Variants in ZNF658 observed in about 807,000 individuals in gnomAD.
ZNF658 encodes the protein zinc finger protein 658.
A neutral mutation model predicts 78.0 loss-of-function variants in ZNF658; 46 were observed. The ratio of observed to expected loss-of-function variants is 0.59; its 90% CI spans 0.47 to 0.75. The LOEUF is 0.75. Among genes scored for constraint, ZNF658 ranks in the 30% least tolerant of loss-of-function variants. ZNF658 has a pLI of 0.00. For synonymous variants in ZNF658, 279 were observed against 408.4 expected, an observed-to-expected ratio of 0.68 and a Z score of 3.82; for missense variants, 785 against 1,189.3, an observed-to-expected ratio of 0.66 and a Z score of 5.00.
At position 66,920,864 on chromosome 9, in the gene ZNF658, C is replaced by T. The variant is rs1587370222; in HGVS notation, c.*118C>T. 4.3e-6 allele frequency: 3 copies of T among 702,686 alleles called. No homozygotes were observed. The East Asian group carries it at 7.4e-5, about 17-fold the overall frequency. The allele number at this position is 702,686 out of a possible 1,614,324, so 43.5% of individuals were successfully genotyped here. A position where few individuals can be genotyped will look rare whatever the true frequency, so the allele number is the denominator to read the frequency against. ...AGGCTCATAGTTTGTGGAAAAATCC[C>T]AATATGCCGTTTATTCAGGTGGGGC... On this transcript the variant is annotated 3_prime_UTR_variant, in exon 5 of 5. Transcript: ENST00000621410.
intron 4 of ZNF658, among the ~76,000 whole-genome samples, chr9:66,910,994 A>G (rs1427192635): frequency 6.6e-6 from 1 of 151,058 alleles, no homozygotes; most frequent in Non-Finnish European, 1.5e-5. Context: ...TATAATATCA[A>G]TGTTTCTAAA....
intron 4 of ZNF658, among the ~76,000 whole-genome samples, chr9:66,914,409 C>A (rs934978520): frequency 6.6e-6 from 1 of 152,036 alleles, no homozygotes; most frequent in African/African-American, 2.4e-5. Flanking sequence ...TGATTTTAAA[C>A]TTTCTGTGTA....
chr9:66,917,725 C>A, intron 4 of ZNF658, 80 bp from the exon 5 acceptor site: 1 of 1,458,850 alleles, frequency 6.9e-7, no homozygotes, highest in Non-Finnish European at 9.1e-7. Flanking sequence ...AAACCAAAAC[C>A]AAAATCAAAA....
intron 2 of ZNF658, among the ~76,000 whole-genome samples, chr9:66,907,416 C>T (rs1371026322): frequency 6.6e-6 from 1 of 152,090 alleles, no homozygotes; most frequent in East Asian, 1.9e-4. Flanking sequence ...CTTTATTTTT[C>T]ATTCTAGTCA....
At chr9:66,915,602 G>A (rs531220864) in intron 4 of ZNF658, among the ~76,000 whole-genome samples, 2 of 151,890 alleles carry the variant, frequency 1.3e-5, no homozygotes, top group East Asian at 3.9e-4. Context: ...TATTCTTTAA[G>A]CCATTTAGTC....
At chr9:66,921,584 C>T (rs1392100166), downstream of ZNF658, 1 of 151,856 alleles carries the variant, frequency 6.6e-6, no homozygotes, top group Non-Finnish European at 1.5e-5. Context: ...GAAAAACTCA[C>T]TGTAGAATGT....
chr9:66,922,963 G>A (rs1822549916), downstream of ZNF658, among the ~76,000 whole-genome samples: 1 of 151,764 alleles, frequency 6.6e-6, no homozygotes, highest in Admixed American at 6.6e-5. Context: ...GGGTGTATTA[G>A]GGTTCTCTAG....
intron 1 of ZNF658, among the ~76,000 whole-genome samples, chr9:66,901,707 G>T (rs1260791760): frequency 3.9e-5 from 6 of 152,070 alleles, no homozygotes; most frequent in Admixed American, 3.9e-4. Flanking sequence ...CACTTTGGGA[G>T]GCCTAGGCCA....
At chr9:66,912,488 ACCAC>A (rs1822236637) in intron 4 of ZNF658, among the ~76,000 whole-genome samples, 1 of 100,712 alleles carries the variant, frequency 9.9e-6, no homozygotes, top group African/African-American at 4.2e-5. Flanking sequence ...TCTGTTCCAG[ACCAC>A]TACAATGAAG....
chr9:66,917,672 C>A (rs1186971808), intron 4 of ZNF658, 133 bp from the exon 5 acceptor site: 5 of 632,568 alleles, frequency 7.9e-6, no homozygotes, highest in Non-Finnish European at 1.0e-5. Context: ...ATGATCATGC[C>A]ACTGCACTCC....
intron 4 of ZNF658, among the ~76,000 whole-genome samples, chr9:66,914,647 G>T (rs1221622818): frequency 6.6e-6 from 1 of 152,024 alleles, no homozygotes; most frequent in Non-Finnish European, 1.5e-5. Context: ...TTTTGGCATT[G>T]ATGTAGTGTG....
chr9:66,918,497 C>A lies in ZNF658; in HGVS notation c.931C>A (p.Pro311Thr), dbSNP rs753616713. The change falls in exon 5 of 5, where the codon CCC becomes ACC. Residue 311 changes from proline (P) to threonine (T), a missense_variant. Pro to Thr is a conservative substitution (Grantham distance 38). This residue lies in a region of ZNF658 where 393 missense variants were observed against 400.2 expected (regional missense o/e 0.98). Coordinates refer to ENST00000621410, the MANE Select transcript of ZNF658 (RefSeq NM_033160.7). ...ERGINFSRKS[P>T]LTQSQRTITG... ...GGGGATTAATTTCAGTAGGAAGTCA[C>A]CCCTCACTCAATCTCAGAGAACTAT... 64 of 1,605,832 alleles carry A rather than the reference C, an allele frequency of 4.0e-5. 1 individual carries two copies. In the South Asian group the frequency reaches 6.9e-4, roughly 17 times the overall value.
intron 2 of ZNF658, among the ~76,000 whole-genome samples, chr9:66,905,510 T>C (rs1822059687): frequency 6.6e-6 from 1 of 151,994 alleles, no homozygotes; most frequent in Non-Finnish European, 1.5e-5. Context: ...TTTCTGTCTC[T>C]ATTCTGTTAG....
intron 1 of ZNF658, chr9:66,903,256 G>T (rs1021727589): frequency 5.6e-5 from 22 of 390,410 alleles, no homozygotes; most frequent in Non-Finnish European, 4.2e-5. Flanking sequence ...ATATTCAGGT[G>T]TGGCTATCTT....
In ZNF658 at chr9:66,918,638, T is replaced by C. The variant is rs754887022; in HGVS notation, c.1072T>C (p.Cys358Arg). The part of the protein sequence containing the change: ...AGDKFGEHNE[C>R]TDALYQKLDF... ...AGATAAATTTGGTGAACATAATGAA[T>C]GTACAGATGCCCTCTACCAGAAATT... Residue 358 changes from cysteine (C) to arginine (R), a missense_variant, in exon 5 of 5, where the codon TGT becomes CGT. Coordinates refer to ENST00000621410, the MANE Select transcript of ZNF658 (RefSeq NM_033160.7). The C allele has an allele frequency of 8.1e-6, 13 of 1,613,300 alleles. No individual in the cohort carries two copies. Among genetic ancestry groups the C allele is most frequent in the Admixed American group, 3.3e-5 (2 of 59,966 alleles).
At position 66,918,244 on chromosome 9, in the gene ZNF658, T is replaced by G. The variant is rs1228420436; in HGVS notation, c.678T>G (p.Asp226Glu). ...ECDGSGQGLYDKTICITPQSF... is the reference protein window; with the variant it reads ...ECDGSGQGLYEKTICITPQSF... ...ATGGATCTGGACAAGGTTTATATGA[T>G]AAGACAATTTGTATTACACCTCAGA... Residue 226 changes from aspartate (D) to glutamate (E), a missense_variant, in exon 5 of 5, where the codon GAT (aspartate) becomes GAG (glutamate). Coordinates refer to ENST00000621410, the MANE Select transcript of ZNF658 (RefSeq NM_033160.7). The G allele has an allele frequency of 6.2e-7, 1 of 1,605,716 alleles. No individual in the cohort carries two copies. Among genetic ancestry groups the G allele is most frequent in the Non-Finnish European group, 8.5e-7 (1 of 1,176,874 alleles).
chr9:66,905,514 C>T (rs1822059735), intron 2 of ZNF658, among the ~76,000 whole-genome samples: 1 of 151,786 alleles, frequency 6.6e-6, no homozygotes, highest in Admixed American at 6.6e-5. Flanking sequence ...TGTCTCTATT[C>T]TGTTAGTCTA....
At chr9:66,914,789 T>G (rs1822294798) in intron 4 of ZNF658, among the ~76,000 whole-genome samples, 1 of 152,078 alleles carries the variant, frequency 6.6e-6, no homozygotes, top group Non-Finnish European at 1.5e-5. Context: ...TGATACATTA[T>G]CTATGTTTAT....
chr9:66,905,078 T>TC (rs1822047793), intron 2 of ZNF658, among the ~76,000 whole-genome samples: 3 of 107,458 alleles, frequency 2.8e-5, no homozygotes, highest in African/African-American at 1.2e-4. Context: ...CTTTTTTTTT[T>TC]TTTTTTTTTT....
Sources: gnomAD v4.1 joint callset for allele counts (sites outside exome capture counted in the v4.1 genomes callset) on GRCh38, gnomAD v4.1.1 for gene constraint, gnomAD v4.1.1 regional missense constraint, MANE v1.5 for transcripts, NCBI Gene and HGNC (gene_info 2026-07-23, HGNC 2026-07-21) for gene names.